Variants in WDR24 observed in about 807,000 individuals in gnomAD.
The protein encoded by WDR24 is WD repeat domain 24.
In WDR24, 32 loss-of-function variants were observed where a neutral mutation model predicts 66.7. The observed-to-expected ratio is 0.48, with a 90% CI of 0.36 to 0.64. WDR24 has a LOEUF of 0.64. Ranked by LOEUF, WDR24 falls within the 30% of genes least tolerant of loss-of-function variation. WDR24 has a pLI of 0.00. For synonymous variants in WDR24, 565 were observed against 469.1 expected, an observed-to-expected ratio of 1.20 and a Z score of -2.64; for missense variants, 978 against 1,144.1, an observed-to-expected ratio of 0.85 and a Z score of 2.09.
chr16:689,117 G>A lies in WDR24; in HGVS notation c.481+43C>T, dbSNP rs759675467. 6.1e-5 allele frequency: 98 copies of A among 1,601,034 alleles called. No homozygotes were observed. The Middle Eastern group carries it at 1.5e-3, about 24-fold the overall frequency. On this transcript the variant is annotated intron_variant, in intron 1 of 8. Transcript: ENST00000293883. ...CGCCTGCATGGACAGGCTGGGCACC[G>A]GCAGAGACGCCCACCTGCCCTGACC...
chr16:686,680 C>T (rs553718342), intron 3 of WDR24, 64 bp downstream of exon 3: 24 of 1,516,482 alleles, frequency 1.6e-5, no homozygotes, highest in South Asian at 3.9e-5. Context: ...GCGCAGCTGA[C>T]GGAGGAACCA....
chr16:686,816 C>T lies in WDR24; in HGVS notation c.1260G>A (p.Ala420=), dbSNP rs772843694. The T allele has an allele frequency of 1.4e-5, 22 of 1,612,218 alleles. No homozygotes were observed. Among genetic ancestry groups the T allele is most frequent in the Non-Finnish European group, 1.8e-5 (21 of 1,179,756 alleles). ...RWFVDTAERY[A]LAGRPLAELC... ...GCTCGGCCAGTGGCCGGCCAGCCAG[C>T]GCATAACGCTCAGCTGTGTCCACAA... The change falls in exon 3 of 9, where the codon GCG becomes GCA. Residue 420 remains alanine, a synonymous_variant. Transcript: ENST00000293883.
intron 1 of WDR24, chr16:688,946 C>G: frequency 2.9e-6 from 2 of 700,800 alleles, no homozygotes; most frequent in Non-Finnish European, 4.6e-6. Flanking sequence ...CTGCTGGTCT[C>G]ATCTCTTGCC....
In WDR24 at chr16:687,245, G is replaced by A. The variant is rs773622205; in HGVS notation, c.831C>T (p.Asn277=). ...GCCGGCGCACGTCCCAAACATAGAT[G>A]TTGTGGTCCACCATCATGGAGCACG... ...LATCSMMVDH[N]IYVWDVRRPF... The change falls in exon 3 of 9, where the codon AAC becomes AAT. Residue 277 remains asparagine (N), a synonymous_variant. Coordinates refer to ENST00000293883, the MANE Select transcript of WDR24 (RefSeq NM_032259.4). 6.2e-7 allele frequency: 1 copy of A among 1,612,422 alleles called. No individual in the cohort carries two copies. The highest frequency in any genetic ancestry group is 1.1e-5 in the South Asian group (1 of 91,088).
At chr16:689,026 C>T (rs2039939149) in intron 1 of WDR24, 134 bp downstream of exon 1, 4 of 1,421,764 alleles carry the variant, frequency 2.8e-6, no homozygotes, top group Middle Eastern at 1.9e-4. Context: ...CCTGCCGATT[C>T]CCTTTCCCCC....
rs768793717 is a variant in WDR24, at chr16:684,756, C to T, written c.2351G>A (p.Gly784Asp). 2 of 1,599,254 alleles carry T rather than the reference C, an allele frequency of 1.3e-6. No individual in the cohort carries two copies. The highest frequency in any genetic ancestry group is 1.1e-5 in the South Asian group (1 of 89,192). The change falls in exon 9 of 9, where the codon GGC (glycine) becomes GAC (aspartate). Residue 784 changes from glycine (G) to aspartate (D), a missense_variant. Coordinates refer to ENST00000293883, the MANE Select transcript of WDR24 (RefSeq NM_032259.4). ...EGSSHCPAGC[G>D]HLCEYS ...CCGTCAGGAGTACTCGCAGAGGTGG[C>T]CGCAGCCTGCGGGACAGTGGGAGCT...
Position 687,659 on chromosome 16 carries a change from C to T in WDR24, c.562G>A (p.Val188Met). The change falls in exon 2 of 9, where the codon GTG becomes ATG. Residue 188 changes from valine to methionine, a missense_variant. This residue lies in a region of WDR24 where 302 missense variants were observed against 526.6 expected (regional missense o/e 0.57). Coordinates refer to ENST00000293883, the MANE Select transcript of WDR24 (RefSeq NM_032259.4). ...TFASTFENGN[V>M]QLWDIRRPDR... ...GGACGCCGGATGTCCCAGAGCTGCA[C>T]ATTGCCGTTCTCAAAGGTGGAGGCG... 6.2e-7 allele frequency: 1 copy of T among 1,613,672 alleles called. No homozygotes were observed. The highest frequency in any genetic ancestry group is 8.5e-7 in the Non-Finnish European group (1 of 1,180,032).
chr16:686,073 C>G lies in WDR24; in HGVS notation c.1446G>C (p.Met482Ile). 6.2e-7 allele frequency: 1 copy of G among 1,612,914 alleles called. No individual in the cohort carries two copies. Among genetic ancestry groups the G allele is most frequent in the South Asian group, 1.1e-5 (1 of 91,066 alleles). Residue 482 changes from methionine to isoleucine, a missense_variant, in exon 4 of 9, where the codon ATG (methionine) becomes ATC (isoleucine). By Grantham distance (10) the Met-to-Ile change is conservative (BLOSUM62 1). Around this residue, in one of 2 missense-constraint regions of WDR24, gnomAD observed 676 missense variants for 617.5 expected, o/e 1.09. Transcript: ENST00000293883. Reference protein sequence around the residue: ...GKGGSCGLPLMNSFNLKDMAP... With the variant: ...GKGGSCGLPLINSFNLKDMAP... ...GAGCTGCCCCCGGCATCTACCTGTTCATGAGCGGGAGGCCACAGGAGCCAC... is the reference window on the plus strand; with the variant it reads ...GAGCTGCCCCCGGCATCTACCTGTTGATGAGCGGGAGGCCACAGGAGCCAC...
chr16:688,167 T>A, intron 1 of WDR24: 1 of 439,594 alleles, frequency 2.3e-6, no homozygotes. Flanking sequence ...GAGCTGGAAC[T>A]GCCTGGTCAG....
chr16:685,305 G>A lies in WDR24; in HGVS notation c.1971C>T (p.Leu657=), dbSNP rs1292743040. The A allele has an allele frequency of 6.2e-6, 10 of 1,600,470 alleles. No individual in the cohort carries two copies. The African/African-American group carries it at 1.1e-4, about 17-fold the overall frequency. Residue 657 remains leucine, a synonymous_variant, in exon 7 of 9, where the codon CTC becomes CTT. Coordinates refer to ENST00000293883, the MANE Select transcript of WDR24 (RefSeq NM_032259.4). ...TGCGCACCCGTTCACCCAGGACGAT[G>A]AGCACAGACACAGCCATCTGCACGT... ...QGDVQMAVSV[L]IVLGERVRKD...
chr16:686,758 GCT>G lies in WDR24; in HGVS notation c.1316_1317del (p.Glu439AlafsTer58), dbSNP rs1343787447. On this transcript the variant is annotated frameshift_variant, in exon 3 of 9. Transcript: ENST00000293883. LOFTEE classifies it high-confidence loss of function. The part of the protein sequence containing the change: ...LCDHNAKVAR[E>X]LGRNQVAQTW... ...CACCTACCTACCTGGTTGCGGCCAAGCTCTCGAGCCACCTTTGCGTTGTGGTC... is the reference window on the plus strand; with the variant it reads ...CACCTACCTACCTGGTTGCGGCCAAGCTCGAGCCACCTTTGCGTTGTGGTC... 6.3e-7 allele frequency: 1 copy of G among 1,598,718 alleles called. No individual in the cohort carries two copies. Among genetic ancestry groups the G allele is most frequent in the African/African-American group, 1.3e-5 (1 of 74,668 alleles).
Position 685,803 on chromosome 16 carries a change from G to T in WDR24, c.1574-20C>A. On this transcript the variant is annotated intron_variant, in intron 5 of 8. Transcript: ENST00000293883. The stretch of plus-strand genomic sequence containing the variant: ...CGTTATCTGCCCGACAATGGGGCGG[G>T]CATTCAGGGTCGTCTGGGACACCCC... 1.2e-6 allele frequency: 2 copies of T among 1,613,118 alleles called. No individual in the cohort carries two copies. The highest frequency in any genetic ancestry group is 1.7e-6 in the Non-Finnish European group (2 of 1,179,990).
chr16:687,782 C>G, intron 1 of WDR24, 43 bp from the exon 2 acceptor site: 1 of 1,594,886 alleles, frequency 6.3e-7, no homozygotes, highest in South Asian at 1.1e-5. Context: ...CGGGGCTGGC[C>G]CATGAGGTGC....
rs759014664 is a variant in WDR24, at chr16:685,797, G to A, written c.1574-14C>T. On this transcript the variant is annotated splice_polypyrimidine_tract_variant and intron_variant, in intron 5 of 8. Coordinates refer to ENST00000293883, the MANE Select transcript of WDR24 (RefSeq NM_032259.4). ...TTTCCTCGTTATCTGCCCGACAATG[G>A]GGCGGGCATTCAGGGTCGTCTGGGA... 2.5e-6 allele frequency: 4 copies of A among 1,613,108 alleles called. No individual in the cohort carries two copies. The highest frequency in any genetic ancestry group is 1.7e-6 in the Non-Finnish European group (2 of 1,179,980).
chr16:685,036 G>A lies in WDR24; in HGVS notation c.2160C>T (p.Ser720=). The stretch of plus-strand genomic sequence containing the variant: ...GGCTGCTCATGGGCCGCTTGCAGTG[G>A]CTGCAGTTGACGTGCAGGGTGGTGG... The part of the protein sequence containing the change: ...QASTTLHVNC[S]HCKRPMSSRG... The change falls in exon 8 of 9, where the codon AGC becomes AGT. Residue 720 remains serine, a synonymous_variant. Transcript: ENST00000293883. 6.4e-7 allele frequency: 1 copy of A among 1,557,340 alleles called. No homozygotes were observed. The highest frequency in any genetic ancestry group is 8.7e-7 in the Non-Finnish European group (1 of 1,152,600).
In WDR24 at chr16:685,440, G is replaced by A; in HGVS notation, c.1836C>T (p.Ser612=). ...ADVASLAPVD[S]SFSLLSVSHA... is the part of the protein sequence containing the mutation. ...GTGAGACAGACAGGAGCGAGAAGGA[G>A]GAGTCCACGGGGGCCAGGGAGGCCA... is the stretch of plus-strand genomic sequence containing the variant. Residue 612 remains serine (S), a synonymous_variant, in exon 7 of 9, where the codon TCC becomes TCT. Transcript: ENST00000293883. 2 of 1,609,042 alleles carry A rather than the reference G, an allele frequency of 1.2e-6. No homozygotes were observed. Among genetic ancestry groups the A allele is most frequent in the African/African-American group, 1.3e-5 (1 of 74,976 alleles).
chr16:686,692 C>T (rs906195666), intron 3 of WDR24, 52 bp downstream of exon 3: 15 of 1,536,260 alleles, frequency 9.8e-6, no homozygotes, highest in Non-Finnish European at 9.6e-6. Flanking sequence ...GAGGAACCAG[C>T]CCCTGCCCTG....
rs143792602 is a variant in WDR24 at position 687,594 on chromosome 16, G to A, written c.627C>T (p.Pro209=). The A allele has an allele frequency of 1.4e-3, 2,226 of 1,613,240 alleles. 4 individuals carry two copies. Among genetic ancestry groups the A allele is most frequent in the South Asian group, 1.7e-3 (152 of 91,088 alleles). ...CERMFTAHNG[P]VFCCDWHPED... Reference sequence around the variant, plus strand: ...CGGGGTGCCAGTCGCAGCAGAAGACGGGTCCGTTGTGGGCTGTGAACATCC... The same window carrying A: ...CGGGGTGCCAGTCGCAGCAGAAGACAGGTCCGTTGTGGGCTGTGAACATCC... Residue 209 remains proline, a synonymous_variant, in exon 2 of 9, where the codon CCC becomes CCT. Transcript: ENST00000293883.
At chr16:687,795 C>T (rs1165032129) in intron 1 of WDR24, 56 bp from the exon 2 acceptor site, 3 of 1,577,740 alleles carry the variant, frequency 1.9e-6, no homozygotes, top group Non-Finnish European at 2.6e-6. Context: ...TGAGGTGCGC[C>T]CTCAGAACAG....
Sources: gnomAD v4.1 joint callset for allele counts on GRCh38, gnomAD v4.1.1 for gene constraint, gnomAD v4.1.1 regional missense constraint, MANE v1.5 for transcripts, NCBI Gene and HGNC (gene_info 2026-07-23, HGNC 2026-07-21) for gene names.